DNASE1L3: variants seen among roughly 807,000 people sequenced by gnomAD.
DNASE1L3 encodes deoxyribonuclease 1L3, also known as deoxyribonuclease gamma.
A neutral mutation model predicts 30.9 loss-of-function variants in DNASE1L3; 27 were observed. That is an observed-to-expected ratio of 0.87 (90% CI 0.64 to 1.20). DNASE1L3 has a LOEUF of 1.20. Ranked by LOEUF, DNASE1L3 falls within the 50% of genes most tolerant of loss-of-function variation. The probability of loss-of-function intolerance (pLI) is 0.00; values close to 1 mark genes in which losing one functional copy is unlikely to be tolerated. For synonymous variants in DNASE1L3, 135 were observed against 138.0 expected, an observed-to-expected ratio of 0.98 and a Z score of 0.15; for missense variants, 364 against 378.2, an observed-to-expected ratio of 0.96 and a Z score of 0.31.
rs76403021 is a variant in DNASE1L3 at position 58,210,159 on chromosome 3, G to C, written c.141+607C>G. Reference sequence around the variant, plus strand: ...GAAAAAAGTAAGGAAGGGAAAGGAAGAAAGAAACAAAGAAAAAGAGAAAGG... The same window carrying C: ...GAAAAAAGTAAGGAAGGGAAAGGAACAAAGAAACAAAGAAAAAGAGAAAGG... On this transcript the variant is annotated intron_variant, in intron 1 of 7. Coordinates refer to ENST00000394549, the MANE Select transcript of DNASE1L3 (RefSeq NM_004944.4). 9.5e-3 allele frequency among the ~76,000 whole-genome samples: 1,371 copies of C among 144,812 alleles called. 10 individuals carry two copies. The highest frequency in any genetic ancestry group is 0.017 in the Non-Finnish European group (1,097 of 65,746).
rs767028424 is a variant in DNASE1L3, at chr3:58,210,860, T to C, written c.47A>G (p.His16Arg). The C allele has an allele frequency of 6.2e-7, 1 of 1,614,068 alleles. No individual in the cohort carries two copies. Among genetic ancestry groups the C allele is most frequent in the Non-Finnish European group, 8.5e-7 (1 of 1,180,014 alleles). ...GCAGATCCTCATGGCCAGGGCGCTG[T>C]GGATGGAGAGGAGGAGAAGCAGCAG... ...APLLLLLLSI[H>R]SALAMRICSF... Residue 16 changes from histidine to arginine, a missense_variant, in exon 1 of 8, where the codon CAC becomes CGC. Coordinates refer to ENST00000394549, the MANE Select transcript of DNASE1L3 (RefSeq NM_004944.4).
intron 1 of DNASE1L3, among the ~76,000 whole-genome samples, chr3:58,210,381 A>T (rs1052481293): frequency 1.3e-5 from 2 of 152,194 alleles, no homozygotes; most frequent in African/African-American, 4.8e-5. Context: ...TCACCTCTAC[A>T]TGGGGAGTAA....
At chr3:58,202,976 TC>T (rs1317673872) in intron 4 of DNASE1L3, among the ~76,000 whole-genome samples, 2 of 152,022 alleles carry the variant, frequency 1.3e-5, no homozygotes, top group East Asian at 3.9e-4. Context: ...CTGAAAACCT[TC>T]CCCCACCGTT....
intron 6 of DNASE1L3, among the ~76,000 whole-genome samples, chr3:58,194,406 A>C (rs969134717): frequency 7.7e-6 from 1 of 130,068 alleles, no homozygotes; most frequent in Admixed American, 1.0e-4. Context: ...TGCAACCTCC[A>C]CCTTCCGGGT....
At chr3:58,194,183 G>T (rs980468594) in intron 6 of DNASE1L3, among the ~76,000 whole-genome samples, 1 of 152,134 alleles carries the variant, frequency 6.6e-6, no homozygotes, top group African/African-American at 2.4e-5. Context: ...TGTGGTCTAC[G>T]TGGTCCTGAG....
At chr3:58,205,372 G>T in intron 3 of DNASE1L3, 99 bp downstream of exon 3, 1 of 1,056,008 alleles carries the variant, frequency 9.5e-7, no homozygotes, top group Non-Finnish European at 1.5e-6. Flanking sequence ...CTGAGAATTG[G>T]TTAGAAATCA....
intron 1 of DNASE1L3, among the ~76,000 whole-genome samples, chr3:58,209,234 G>C (rs2097406103): frequency 1.3e-5 from 2 of 152,182 alleles, no homozygotes; most frequent in South Asian, 4.1e-4. Flanking sequence ...TGGGGAGGGT[G>C]AGGCAGCCTT....
In DNASE1L3 at chr3:58,192,654, C is replaced by T. The variant is rs1250015726; in HGVS notation, c.*33G>A. The T allele has an allele frequency of 6.3e-7, 1 of 1,595,122 alleles. No homozygotes were observed. Among genetic ancestry groups the T allele is most frequent in the African/African-American group, 1.4e-5 (1 of 73,868 alleles). On this transcript the variant is annotated 3_prime_UTR_variant, in exon 8 of 8. Transcript: ENST00000394549. This position sits in a 1 kb window ranked among gnomAD's most constrained non-coding sequence, Gnocchi z 4.8. ...CTGTTAGAGACATTTTATTTAGAGG[C>T]AAGAAATGGTTAATAAGATGAGACC...
In DNASE1L3 at chr3:58,197,750, G is replaced by C. The variant is rs2097398236; in HGVS notation, c.704+71C>G. 17 of 1,606,420 alleles carry C rather than the reference G, an allele frequency of 1.1e-5. No homozygotes were observed. Among genetic ancestry groups the C allele is most frequent in the Non-Finnish European group, 1.4e-5 (17 of 1,175,974 alleles). On this transcript the variant is annotated intron_variant, in intron 6 of 7. Transcript: ENST00000394549. The surrounding 1 kb of genome is among the most constrained non-coding windows in gnomAD (Gnocchi z 5.3). ...CTACTGGCGTGAGCCACAGTGCCCA[G>C]CCACCTTGCGTCTTTCCTAGTGCAC...
At chr3:58,194,297 A>G (rs1450343838) in intron 6 of DNASE1L3, among the ~76,000 whole-genome samples, 1 of 147,778 alleles carries the variant, frequency 6.8e-6, no homozygotes, top group Admixed American at 6.8e-5. Context: ...ATTTGCTAAC[A>G]TCACCAGCAC....
chr3:58,194,248 T>G (rs946246187), intron 6 of DNASE1L3, among the ~76,000 whole-genome samples: 4 of 150,810 alleles, frequency 2.7e-5, no homozygotes, highest in Non-Finnish European at 5.9e-5. Context: ...GAGTGACCAG[T>G]GGGCCTTCCC....
intron 2 of DNASE1L3, among the ~76,000 whole-genome samples, chr3:58,206,917 A>T (rs577559687): frequency 4.6e-5 from 7 of 152,294 alleles, no homozygotes; most frequent in Non-Finnish European, 7.4e-5. Context: ...AGGCAGACTG[A>T]CATGGATTCT....
chr3:58,201,185 G>T, intron 4 of DNASE1L3, 76 bp from the exon 5 acceptor site: 1 of 1,101,120 alleles, frequency 9.1e-7, no homozygotes, highest in Non-Finnish European at 1.3e-6. Flanking sequence ...AGGGAAACCA[G>T]CTGTCCCCTC....
At chr3:58,202,767 C>T (rs1440283496) in intron 4 of DNASE1L3, among the ~76,000 whole-genome samples, 1 of 151,496 alleles carries the variant, frequency 6.6e-6, no homozygotes, top group East Asian at 2.0e-4. Context: ...GCAGGAGAAT[C>T]GTTTGAACTT....
At chr3:58,201,550 G>T (rs1469182569) in intron 4 of DNASE1L3, among the ~76,000 whole-genome samples, 1 of 152,174 alleles carries the variant, frequency 6.6e-6, no homozygotes, top group Non-Finnish European at 1.5e-5. Context: ...TACATTCTAT[G>T]TCCTTGTACC....
rs1378110414 is a variant in DNASE1L3 at position 58,192,564 on chromosome 3, T to C, written c.*123A>G. On this transcript the variant is annotated 3_prime_UTR_variant, in exon 8 of 8. Transcript: ENST00000394549. The surrounding 1 kb of genome is among the most constrained non-coding windows in gnomAD (Gnocchi z 4.8). Reference sequence around the variant, plus strand: ...CCAATTTGGCTCAAGTCAGAATAAATTCAGGTCAAAAAATGAAAGCAGTTG... The same window carrying C: ...CCAATTTGGCTCAAGTCAGAATAAACTCAGGTCAAAAAATGAAAGCAGTTG... The C allele has an allele frequency of 3.7e-6, 4 of 1,088,354 alleles. No homozygotes were observed. Among genetic ancestry groups the C allele is most frequent in the Non-Finnish European group, 5.3e-6 (4 of 759,672 alleles). 67.4% of individuals were successfully genotyped at this position (1,088,354 alleles called of 1,614,324 possible).
At chr3:58,196,598 G>A (rs754124895) in intron 6 of DNASE1L3, among the ~76,000 whole-genome samples, 13 of 144,772 alleles carry the variant, frequency 9.0e-5, no homozygotes, top group East Asian at 4.0e-4. Context: ...AAGTGAAAAC[G>A]AGTGGCCTGG....
Position 58,201,118 on chromosome 3 carries a change from C to A in DNASE1L3, c.434-9G>T. ...CACGAAGTCTTTGACAGCTGAGAAA[C>A]AGGAAAGAGGCGGGGGTCACACACT... On this transcript the variant is annotated splice_polypyrimidine_tract_variant and intron_variant, in intron 4 of 7. Coordinates refer to ENST00000394549, the MANE Select transcript of DNASE1L3 (RefSeq NM_004944.4). The A allele has an allele frequency of 6.2e-7, 1 of 1,602,012 alleles. No individual in the cohort carries two copies. The highest frequency in any genetic ancestry group is 8.5e-7 in the Non-Finnish European group (1 of 1,172,080).
intron 6 of DNASE1L3, among the ~76,000 whole-genome samples, chr3:58,195,677 T>C (rs1575495416): frequency 2.7e-5 from 4 of 145,590 alleles, no homozygotes; most frequent in Non-Finnish European, 4.5e-5. Flanking sequence ...TCCCAGCTAC[T>C]TGGGAGGCTG....
Sources: gnomAD v4.1 joint callset for allele counts (sites outside exome capture counted in the v4.1 genomes callset) on GRCh38, gnomAD v4.1.1 for gene constraint, Gnocchi (gnomAD v3.1) non-coding constraint, MANE v1.5 for transcripts, NCBI Gene and HGNC (gene_info 2026-07-23, HGNC 2026-07-21) for gene names.